The following SZRD1 variants were observed in gnomAD, a reference collection of about 807,000 sequenced individuals.
SZRD1 encodes SUZ RNA binding domain containing 1.
In SZRD1, 7 loss-of-function variants were observed where a neutral mutation model predicts 17.6. The observed-to-expected ratio is 0.40, with a 90% CI of 0.23 to 0.75. SZRD1 has a LOEUF of 0.75. Among genes scored for constraint, SZRD1 ranks in the 30% least tolerant of loss-of-function variants. The pLI is 0.38. For missense variants in SZRD1, 178 were observed against 201.8 expected (o/e 0.88, Z 0.71); for synonymous variants, 77 against 77.9 (o/e 0.99, Z 0.06).
rs2085314783 is a variant in SZRD1, at chr1:16,396,547, G to T, written c.*1407G>T. On this transcript the variant is annotated 3_prime_UTR_variant, in exon 4 of 4. Transcript: ENST00000401088. ...ACTAAGAGGGCAGCTGCCCAGAGCA[G>T]CTGTGTGTACCTGGCTCCTCTCAGG... 1 of 152,302 alleles carries T rather than the reference G, an allele frequency of 6.6e-6. No individual in the cohort carries two copies. Among genetic ancestry groups the T allele is most frequent in the South Asian group, 2.1e-4 (1 of 4,836 alleles). 9.4% of individuals were successfully genotyped at this position (152,302 alleles called of 1,614,324 possible). A position where few individuals can be genotyped will look rare whatever the true frequency, so the allele number is the denominator to read the frequency against.
intron 1 of SZRD1, among the ~76,000 whole-genome samples, chr1:16,384,123 C>G (rs908452223): frequency 2.0e-5 from 3 of 152,078 alleles, no homozygotes; most frequent in African/African-American, 7.2e-5. Context: ...GTGGCCAGTC[C>G]TAGTCATACC....
intron 1 of SZRD1, among the ~76,000 whole-genome samples, chr1:16,376,384 G>A (rs1032104143): frequency 2.0e-5 from 3 of 152,200 alleles, no homozygotes; most frequent in South Asian, 2.1e-4. Flanking sequence ...GTGCTGAAGA[G>A]CCAAGCGATA....
intron 1 of SZRD1, among the ~76,000 whole-genome samples, chr1:16,389,566 C>T (rs2085191038): frequency 2.0e-5 from 3 of 152,032 alleles, no homozygotes; most frequent in African/African-American, 7.2e-5. Flanking sequence ...CCACCTCGGC[C>T]TCCCAAAGTG....
chr1:16,380,642 A>G (rs2083085172), intron 1 of SZRD1, among the ~76,000 whole-genome samples: 1 of 151,896 alleles, frequency 6.6e-6, no homozygotes, highest in South Asian at 2.1e-4. Flanking sequence ...CTAATTTTGT[A>G]TTTTCCGTAG....
intron 1 of SZRD1, chr1:16,387,602 A>C (rs1166606863): frequency 8.8e-6 from 4 of 456,664 alleles, no homozygotes; most frequent in Non-Finnish European, 4.4e-6. Context: ...GCTCCGTGCG[A>C]GTGGAGTTTG....
chr1:16,374,360 G>A (rs575538566), intron 1 of SZRD1, among the ~76,000 whole-genome samples: 1 of 152,158 alleles, frequency 6.6e-6, no homozygotes, highest in Non-Finnish European at 1.5e-5. Context: ...AAAAAGGTTG[G>A]TTTCACTGTG....
rs188894687 is a variant in SZRD1 at position 16,371,479 on chromosome 1, C to T, written c.51+4171C>T. ...TTTTTTTCCCCTTTTTTTTTTTTCC[C>T]GAGATGGAGTCTTGCTCTGTCGCCC... On this transcript the variant is annotated intron_variant, in intron 1 of 3. Transcript: ENST00000401088. 4.0e-3 allele frequency among the ~76,000 whole-genome samples: 553 copies of T among 138,112 alleles called. 5 individuals are homozygous for T. Among genetic ancestry groups the T allele is most frequent in the Non-Finnish European group, 5.2e-3 (335 of 63,948 alleles). 90.6% of individuals were successfully genotyped at this position (138,112 alleles called of 152,430 possible).
At chr1:16,380,107 A>G (rs917013188) in intron 1 of SZRD1, among the ~76,000 whole-genome samples, 2 of 152,198 alleles carry the variant, frequency 1.3e-5, no homozygotes, top group African/African-American at 4.8e-5. Context: ...AGTGTTTTAT[A>G]TACCACTCAG....
At chr1:16,394,923 C>T in intron 3 of SZRD1, 115 bp from the exon 4 acceptor site, 1 of 675,648 alleles carries the variant, frequency 1.5e-6, no homozygotes, top group East Asian at 2.7e-5. Flanking sequence ...CCACTGCACT[C>T]CAATCTAGGT....
rs570396059 is a variant in SZRD1, at chr1:16,393,687, G to A, written c.356+205G>A. Among the ~76,000 whole-genome samples, 5 of 152,360 alleles carry A rather than the reference G, an allele frequency of 3.3e-5. No individual in the cohort carries two copies. The East Asian group carries it at 9.6e-4, about 29-fold the overall frequency. On this transcript the variant is annotated intron_variant, in intron 3 of 3. Transcript: ENST00000401088. The surrounding 1 kb of genome is among the most constrained non-coding windows in gnomAD (Gnocchi z 5.6). ...GGGCTCTGAAAGCCTTGCCAGGGAG[G>A]AGGTGGCAGTTTGCTGGCATGCTCC...
At chr1:16,383,623 C>CT (rs560831090) in intron 1 of SZRD1, among the ~76,000 whole-genome samples, 1,655 of 131,056 alleles carry the variant, frequency 0.013, 29 homozygotes, top group East Asian at 0.081. Flanking sequence ...TCTTTTTTTC[C>CT]TTTTTTTTTT....
intron 1 of SZRD1, among the ~76,000 whole-genome samples, chr1:16,368,454 T>G (rs2082859613): frequency 6.6e-6 from 1 of 151,410 alleles, no homozygotes; most frequent in African/African-American, 2.4e-5. Flanking sequence ...CTTTGAAGTT[T>G]TTTCCGCTGG....
chr1:16,377,451 C>G (rs552089398), intron 1 of SZRD1, among the ~76,000 whole-genome samples: 1 of 150,630 alleles, frequency 6.6e-6, no homozygotes, highest in Admixed American at 6.7e-5. Context: ...GGGACGTGGT[C>G]GTGTGCACCT....
At chr1:16,388,052 C>A (rs1219309923) in intron 1 of SZRD1, among the ~76,000 whole-genome samples, 1 of 152,166 alleles carries the variant, frequency 6.6e-6, no homozygotes, top group African/African-American at 2.4e-5. Context: ...CGAGAGGTTT[C>A]CATTTTAGTG....
intron 1 of SZRD1, among the ~76,000 whole-genome samples, chr1:16,372,943 G>C (rs551701022): frequency 2.6e-5 from 4 of 152,284 alleles, no homozygotes; most frequent in Middle Eastern, 3.4e-3. Context: ...TAAAGAAGAC[G>C]ATGCCTAAGT....
intron 1 of SZRD1, among the ~76,000 whole-genome samples, chr1:16,390,911 A>C (rs1353969180): frequency 6.6e-6 from 1 of 152,114 alleles, no homozygotes; most frequent in Non-Finnish European, 1.5e-5. Flanking sequence ...AGAAGGTAAA[A>C]GAAGGTATGG....
In SZRD1 at chr1:16,391,334, A is replaced by C; in HGVS notation, c.52-41A>C. ...AATAAAGACTAAGTTTTTATTTGAG[A>C]GAGATTTTTTCCTCTTTTTATATAC... On this transcript the variant is annotated intron_variant, in intron 1 of 3. Transcript: ENST00000401088. The surrounding 1 kb of genome is among the most constrained non-coding windows in gnomAD (Gnocchi z 4.3). The C allele has an allele frequency of 2.1e-6, 3 of 1,409,970 alleles. No homozygotes were observed. Among genetic ancestry groups the C allele is most frequent in the Non-Finnish European group, 2.9e-6 (3 of 1,021,570 alleles). The allele number at this position is 1,409,970 out of a possible 1,614,324, so 87.3% of individuals were successfully genotyped here. A position where few individuals can be genotyped will look rare whatever the true frequency, so the allele number is the denominator to read the frequency against.
At chr1:16,394,240 C>T (rs2085267604) in intron 3 of SZRD1, among the ~76,000 whole-genome samples, 1 of 152,094 alleles carries the variant, frequency 6.6e-6, no homozygotes, top group South Asian at 2.1e-4. Flanking sequence ...TGTTGTTTCT[C>T]CTCTAAGTCT....
intron 1 of SZRD1, among the ~76,000 whole-genome samples, chr1:16,383,691 C>T (rs1381098038): frequency 1.4e-5 from 2 of 146,976 alleles, no homozygotes; most frequent in South Asian, 2.1e-4. Flanking sequence ...GCAATCTCAG[C>T]TCACTGCAAC....
Sources: allele counts gnomAD v4.1 joint callset (sites outside exome capture counted in the v4.1 genomes callset), GRCh38; gene constraint gnomAD v4.1.1; non-coding constraint Gnocchi (gnomAD v3.1); transcripts MANE v1.5; gene names NCBI Gene and HGNC (gene_info 2026-07-23, HGNC 2026-07-21).